The following FRMD8 variants were observed in gnomAD, a reference collection of about 807,000 sequenced individuals.
FRMD8 encodes the protein FERM domain containing 8.
FRMD8 carries 37 observed loss-of-function variants against 54.2 expected under a neutral mutation model. The observed-to-expected ratio is 0.68, with a 90% CI of 0.53 to 0.90. FRMD8 has a LOEUF of 0.90. Ranked by LOEUF, FRMD8 falls within the 40% of genes least tolerant of loss-of-function variation. The pLI, the probability that FRMD8 is intolerant of heterozygous loss-of-function variation, is 0.00. For synonymous variants in FRMD8, 246 were observed against 286.9 expected, an observed-to-expected ratio of 0.86 and a Z score of 1.44; for missense variants, 585 against 653.7, an observed-to-expected ratio of 0.89 and a Z score of 1.15.
chr11:65,392,441 C>T (rs1472318769), intron 3 of FRMD8, among the ~76,000 whole-genome samples: 12 of 152,308 alleles, frequency 7.9e-5, no homozygotes, highest in Admixed American at 5.9e-4. Flanking sequence ...TCCTGCACCC[C>T]GGTGACGGAC....
chr11:65,403,072 C>T (rs964752988), intron 9 of FRMD8, among the ~76,000 whole-genome samples: 3 of 152,190 alleles, frequency 2.0e-5, no homozygotes, highest in African/African-American at 7.2e-5. Context: ...GAGACAAGGT[C>T]TCACTATGTT....
chr11:65,399,693 A>G (rs1319810333), intron 7 of FRMD8, 43 bp from the exon 8 acceptor site: 2 of 1,605,970 alleles, frequency 1.2e-6, no homozygotes, highest in Non-Finnish European at 1.7e-6. Context: ...CTCCCTCAGC[A>G]TTTCTGGTGC....
At chr11:65,387,759 C>T (rs1480550826) in intron 2 of FRMD8, among the ~76,000 whole-genome samples, 1 of 151,994 alleles carries the variant, frequency 6.6e-6, no homozygotes, top group Admixed American at 6.6e-5. Flanking sequence ...AGGATGGTCT[C>T]GATCTCCTGA....
At chr11:65,376,666 G>A in the FRMD8 span, 12 of 1,613,670 alleles carry the variant, frequency 7.4e-6, no homozygotes, top group African/African-American at 2.7e-5. Context: ...CACCAGCACC[G>A]TGGCTGAGCC....
chr11:65,390,840 C>T (rs1855830503), intron 3 of FRMD8, among the ~76,000 whole-genome samples: 2 of 152,274 alleles, frequency 1.3e-5, no homozygotes, highest in Admixed American at 1.3e-4. Flanking sequence ...ACTCCCTCCT[C>T]ACCACATTCC....
rs539839459 is a variant in FRMD8, at chr11:65,391,510, A to T, written c.253+1982A>T. On this transcript the variant is annotated intron_variant, in intron 3 of 10. Coordinates refer to ENST00000317568, the MANE Select transcript of FRMD8 (RefSeq NM_031904.5). Reference sequence around the variant, plus strand: ...GTGGAACTTAATTTAACTTAATTTTATTTATTTATTTTTTTTTTGAGACAG... The same window carrying T: ...GTGGAACTTAATTTAACTTAATTTTTTTTATTTATTTTTTTTTTGAGACAG... Among the ~76,000 whole-genome samples the T allele has an allele frequency of 5.9e-5, 9 of 151,902 alleles. No homozygotes were observed. The South Asian group carries it at 1.9e-3, about 32-fold the overall frequency.
intron 7 of FRMD8, among the ~76,000 whole-genome samples, chr11:65,398,953 A>G (rs917325631): frequency 1.5e-4 from 22 of 150,074 alleles, no homozygotes; most frequent in Admixed American, 1.3e-3. Flanking sequence ...GGACAGGAGA[A>G]GGCAAGGCTG....
the FRMD8 span, chr11:65,379,105 C>T: frequency 6.5e-6 from 3 of 462,402 alleles, no homozygotes; most frequent in African/African-American, 2.0e-5. Context: ...TGGAGGGGGG[C>T]AAGCCCCGTC....
the FRMD8 span, chr11:65,377,148 G>A: frequency 6.5e-7 from 1 of 1,530,970 alleles, no homozygotes; most frequent in East Asian, 2.3e-5. Flanking sequence ...ATTCACAAGA[G>A]GAAGGAGGCA....
At chr11:65,385,055 G>T (rs1049882915), upstream of FRMD8, among the ~76,000 whole-genome samples, 2 of 152,256 alleles carry the variant, frequency 1.3e-5, no homozygotes, top group Admixed American at 6.5e-5. Flanking sequence ...AACCACAACA[G>T]ACACTTTCTG....
intron 3 of FRMD8, among the ~76,000 whole-genome samples, chr11:65,390,562 C>G (rs577245641): frequency 6.6e-6 from 1 of 151,952 alleles, no homozygotes; most frequent in African/African-American, 2.4e-5. Context: ...TCTCCACCCC[C>G]TCCCCCCTGC....
At chr11:65,398,209 G>A (rs1014482573) in intron 7 of FRMD8, among the ~76,000 whole-genome samples, 1 of 152,138 alleles carries the variant, frequency 6.6e-6, no homozygotes, top group Middle Eastern at 3.2e-3. Context: ...CTGTTGGCCA[G>A]GCTGGTCTGG....
Position 65,404,648 on chromosome 11 carries a change from T to C in FRMD8, c.1072-216T>C, listed in dbSNP as rs1235614605. On this transcript the variant is annotated intron_variant, in intron 9 of 10. Coordinates refer to ENST00000317568, the MANE Select transcript of FRMD8 (RefSeq NM_031904.5). The surrounding 1 kb of genome is among the most constrained non-coding windows in gnomAD (Gnocchi z 4.7). The stretch of plus-strand genomic sequence containing the variant: ...ACCAGAATGTTCTTTCTTTCCCACC[T>C]GAACTCCCAGATCTGGAGACCCCTC... Among the ~76,000 whole-genome samples, 1 of 151,782 alleles carries C rather than the reference T, an allele frequency of 6.6e-6. No individual in the cohort carries two copies.
At position 65,398,568 on chromosome 11, in the gene FRMD8, T is replaced by C. The variant is rs79280212; in HGVS notation, c.804-1168T>C. On this transcript the variant is annotated intron_variant, in intron 7 of 10. Transcript: ENST00000317568. ...CGCTTGTCCTCCTGGCAGCTGGCGA[T>C]GGATGTGGGCTCCAGCCTGGTGGGC... is the stretch of plus-strand genomic sequence containing the variant. 3.5e-3 allele frequency among the ~76,000 whole-genome samples: 536 copies of C among 152,314 alleles called. 3 individuals are homozygous for C. The highest frequency in any genetic ancestry group is 5.6e-3 in the Non-Finnish European group (380 of 68,016).
chr11:65,387,630 C>T (rs867272785), intron 2 of FRMD8, among the ~76,000 whole-genome samples: 1 of 152,114 alleles, frequency 6.6e-6, no homozygotes, highest in African/African-American at 2.4e-5. Flanking sequence ...GCCCCGCCTT[C>T]GGGGTTCACG....
chr11:65,376,369 G>A, the FRMD8 span: 1,289 of 1,601,166 alleles, frequency 8.1e-4, 7 homozygotes, highest in African/African-American at 0.015. Context: ...CCTCCAGGCC[G>A]TGGGCCTGAT....
chr11:65,402,086 C>CGTGAT (rs1856096376), intron 9 of FRMD8, among the ~76,000 whole-genome samples: 2 of 152,168 alleles, frequency 1.3e-5, no homozygotes, highest in Admixed American at 6.5e-5. Flanking sequence ...TGGTGGATCA[C>CGTGAT]GCCTGTAATC....
At position 65,394,396 on chromosome 11, in the gene FRMD8, GC is replaced by G; in HGVS notation, c.555del (p.Gly186AlafsTer8). On this transcript the variant is annotated frameshift_variant, in exon 6 of 11. Transcript: ENST00000317568. LOFTEE classifies it high-confidence loss of function. ...VCRVQLGPYQ[P>X]GRPAACDLRE... ...GCCGCGTGCAGCTTGGGCCCTACCA[GC>G]CCGGCCGGCCGGCAGCCTGCGACCT... 1 of 1,569,824 alleles carries G rather than the reference GC, an allele frequency of 6.4e-7. No homozygotes were observed. Among genetic ancestry groups the G allele is most frequent in the Non-Finnish European group, 8.6e-7 (1 of 1,159,780 alleles).
At chr11:65,394,619 C>T (rs1443899940) in intron 6 of FRMD8, among the ~76,000 whole-genome samples, 194 bp downstream of exon 6, 1 of 152,230 alleles carries the variant, frequency 6.6e-6, no homozygotes, top group Non-Finnish European at 1.5e-5. Flanking sequence ...CTGTCCTGGG[C>T]TGGAGCCTCA....
Sources: allele counts gnomAD v4.1 joint callset (sites outside exome capture counted in the v4.1 genomes callset), GRCh38; gene constraint gnomAD v4.1.1; non-coding constraint Gnocchi (gnomAD v3.1); transcripts MANE v1.5; gene names NCBI Gene and HGNC (gene_info 2026-07-23, HGNC 2026-07-21).